Variants in CSMD3 observed in about 807,000 individuals in gnomAD.
CSMD3 encodes CUB and Sushi multiple domains 3.
A neutral mutation model predicts 435.2 loss-of-function variants in CSMD3; 177 were observed. That is an observed-to-expected ratio of 0.41 (90% CI 0.36 to 0.46). CSMD3 has a LOEUF of 0.46. Ranked by LOEUF, CSMD3 falls within the 20% of genes least tolerant of loss-of-function variation. The pLI, the probability that CSMD3 is intolerant of heterozygous loss-of-function variation, is 0.34. For missense variants in CSMD3, 4,265 were observed against 4,504.6 expected, an observed-to-expected ratio of 0.95 and a Z score of 1.52; for synonymous variants, 1,656 against 1,520.5, an observed-to-expected ratio of 1.09 and a Z score of -2.07.
At chr8:112,539,663 C>G (rs1826477479) in intron 27 of CSMD3, among the ~76,000 whole-genome samples, 1 of 151,936 alleles carries the variant, frequency 6.6e-6, no homozygotes, top group Non-Finnish European at 1.5e-5. Context: ...TGTGAAAGGA[C>G]TTCAATAAAT....
chr8:113,231,003 C>G (rs1303004515), intron 3 of CSMD3, among the ~76,000 whole-genome samples: 1 of 151,128 alleles, frequency 6.6e-6, no homozygotes, highest in Non-Finnish European at 1.5e-5. Context: ...CTCCTTTGTT[C>G]TATCTCAATT....
chr8:112,383,220 C>T (rs1430875325), intron 37 of CSMD3, among the ~76,000 whole-genome samples: 1 of 152,074 alleles, frequency 6.6e-6, no homozygotes, highest in Non-Finnish European at 1.5e-5. Context: ...GCACACAATT[C>T]AAAGCACAGT....
At chr8:112,954,603 G>T in intron 8 of CSMD3, 81 bp downstream of exon 8, 2 of 806,740 alleles carry the variant, frequency 2.5e-6, no homozygotes, top group South Asian at 1.4e-5. Flanking sequence ...CAAATATTTT[G>T]GTAAAACACA....
intron 3 of CSMD3, among the ~76,000 whole-genome samples, chr8:113,271,832 C>A (rs1380366687): frequency 6.6e-6 from 1 of 152,106 alleles, no homozygotes; most frequent in African/African-American, 2.4e-5. Context: ...ACCCTCAATG[C>A]CAGCCAGTGA....
chr8:113,234,955 G>A (rs1041159897), intron 3 of CSMD3, among the ~76,000 whole-genome samples: 4 of 151,960 alleles, frequency 2.6e-5, no homozygotes, highest in Non-Finnish European at 5.9e-5. Context: ...CCAGCCAGGT[G>A]GTATTCATCT....
At chr8:112,398,487 C>G (rs981414193) in intron 35 of CSMD3, among the ~76,000 whole-genome samples, 4 of 152,192 alleles carry the variant, frequency 2.6e-5, no homozygotes, top group African/African-American at 4.8e-5. Context: ...GTGGGGCTAT[C>G]CACATGACCC....
At chr8:112,357,328 G>A (rs1264322147) in intron 38 of CSMD3, among the ~76,000 whole-genome samples, 2 of 152,100 alleles carry the variant, frequency 1.3e-5, no homozygotes, top group African/African-American at 4.8e-5. Flanking sequence ...ATTTCTAAGG[G>A]GCAAAGCATT....
At chr8:113,136,735 TAAAG>T (rs994485355) in intron 4 of CSMD3, among the ~76,000 whole-genome samples, 1 of 151,414 alleles carries the variant, frequency 6.6e-6, no homozygotes, top group Non-Finnish European at 1.5e-5. Flanking sequence ...GAAAGAGAAA[TAAAG>T]GAAGATGGGT....
chr8:112,517,863 T>C (rs1823845855), intron 27 of CSMD3, among the ~76,000 whole-genome samples: 1 of 152,176 alleles, frequency 6.6e-6, no homozygotes, highest in South Asian at 2.1e-4. Context: ...GGCACTTTCT[T>C]ACGAAACTAA....
chr8:112,588,303 C>T (rs1830899520), intron 22 of CSMD3, among the ~76,000 whole-genome samples: 1 of 150,592 alleles, frequency 6.6e-6, no homozygotes, highest in Non-Finnish European at 1.5e-5. Context: ...TAAACATTAA[C>T]AAAAATAAGG....
At chr8:113,274,691 G>C (rs1289212219) in intron 3 of CSMD3, among the ~76,000 whole-genome samples, 1 of 152,030 alleles carries the variant, frequency 6.6e-6, no homozygotes, top group Non-Finnish European at 1.5e-5. Context: ...AGATCTCATA[G>C]TAGTTACAGC....
intron 13 of CSMD3, among the ~76,000 whole-genome samples, chr8:112,772,867 G>A (rs1304669185): frequency 6.6e-6 from 1 of 152,000 alleles, no homozygotes; most frequent in Non-Finnish European, 1.5e-5. Context: ...TGTTTATGAT[G>A]CAGAGACATT....
chr8:113,200,385 A>G (rs1195359160), intron 3 of CSMD3, among the ~76,000 whole-genome samples: 1 of 151,670 alleles, frequency 6.6e-6, no homozygotes. Context: ...CTTGTAATCC[A>G]TTAGTCTACA....
chr8:113,413,923 A>C (rs181311309), intron 1 of CSMD3, among the ~76,000 whole-genome samples: 67 of 152,322 alleles, frequency 4.4e-4, no homozygotes, highest in African/African-American at 1.5e-3. Context: ...ATGTTTTTCA[A>C]GTGAAAGGAG....
intron 10 of CSMD3, among the ~76,000 whole-genome samples, chr8:112,861,168 T>C (rs1232165113): frequency 1.3e-5 from 2 of 151,734 alleles, no homozygotes; most frequent in Admixed American, 1.3e-4. Flanking sequence ...GTCCAGTGCT[T>C]CTTCCTCATT....
chr8:112,823,442 T>C (rs1186569708), intron 12 of CSMD3, among the ~76,000 whole-genome samples: 3 of 152,216 alleles, frequency 2.0e-5, no homozygotes, highest in Non-Finnish European at 4.4e-5. Flanking sequence ...TTTGTAGCTT[T>C]CTTATGTGGG....
intron 32 of CSMD3, among the ~76,000 whole-genome samples, chr8:112,414,277 G>C (rs897886375): frequency 5.9e-5 from 9 of 152,114 alleles, no homozygotes; most frequent in African/African-American, 2.2e-4. Context: ...ATGTCCCCCT[G>C]AGAGGTAATT....
chr8:113,424,511 A>G (rs1439105731), intron 1 of CSMD3, among the ~76,000 whole-genome samples: 1 of 151,542 alleles, frequency 6.6e-6, no homozygotes, highest in African/African-American at 2.4e-5. Flanking sequence ...GTGAATCATG[A>G]AATAAGGGAC....
chr8:113,207,366 A>C (rs1249878148), intron 3 of CSMD3, among the ~76,000 whole-genome samples: 1 of 151,094 alleles, frequency 6.6e-6, no homozygotes, highest in Non-Finnish European at 1.5e-5. Context: ...CCGAAATATA[A>C]TAAACATCAA....
Sources: gnomAD v4.1 joint callset for allele counts (sites outside exome capture counted in the v4.1 genomes callset) on GRCh38, gnomAD v4.1.1 for gene constraint, MANE v1.5 for transcripts, NCBI Gene and HGNC (gene_info 2026-07-23, HGNC 2026-07-21) for gene names.